The following SUPT3H variants were observed in gnomAD, a reference collection of about 807,000 sequenced individuals.
The protein encoded by SUPT3H is transcription initiation protein SPT3 homolog.
A neutral mutation model predicts 44.3 loss-of-function variants in SUPT3H; 44 were observed. That is an observed-to-expected ratio of 0.99 (90% CI 0.78 to 1.28). The LOEUF (loss-of-function observed/expected upper bound fraction) is 1.28, where lower values mean the gene tolerates loss of function less well. Among genes scored for constraint, SUPT3H ranks in the 50% most tolerant of loss-of-function variants. The probability of loss-of-function intolerance (pLI) is 0.00; values close to 1 mark genes in which losing one functional copy is unlikely to be tolerated. For synonymous variants in SUPT3H, 124 were observed against 125.6 expected (o/e 0.99, Z 0.09); for missense variants, 380 against 387.1 (o/e 0.98, Z 0.15).
At position 45,128,450 on chromosome 6, in the gene SUPT3H, A is replaced by G. The variant is rs1345003531; in HGVS notation, c.102-22444T>C. Among the ~76,000 whole-genome samples the G allele has an allele frequency of 3.8e-5, 5 of 132,506 alleles. No homozygotes were observed. In the South Asian group the frequency reaches 1.1e-3, roughly 30 times the overall value. The allele number at this position is 132,506 out of a possible 152,430, so 86.9% of individuals were successfully genotyped here. ...AACCCAGGAGGTGCAGGTTGCAGTG[A>G]GCCGAGATTGCACCACTGCGCTCCA... On this transcript the variant is annotated intron_variant, in intron 2 of 10. Transcript: ENST00000371459.
intron 3 of SUPT3H, among the ~76,000 whole-genome samples, chr6:45,037,939 C>A (rs887948854): frequency 3.3e-5 from 5 of 151,958 alleles, no homozygotes; most frequent in African/African-American, 1.2e-4. Context: ...TACAGTTATA[C>A]AATTAATGCT....
intron 2 of SUPT3H, among the ~76,000 whole-genome samples, chr6:45,285,405 CA>C (rs1205513168): frequency 2.0e-5 from 3 of 152,200 alleles, no homozygotes; most frequent in Non-Finnish European, 2.9e-5. Flanking sequence ...TCTCAGGATA[CA>C]AAATCAATGT....
At chr6:44,971,665 T>C (rs1250711686) in intron 6 of SUPT3H, among the ~76,000 whole-genome samples, 3 of 152,282 alleles carry the variant, frequency 2.0e-5, no homozygotes, top group South Asian at 2.1e-4. Flanking sequence ...GAGATTTGAG[T>C]GGGGACACAG....
rs1768205624 is a variant in SUPT3H at position 44,829,322 on chromosome 6, G to C, written c.*494C>G. On this transcript the variant is annotated 3_prime_UTR_variant, in exon 11 of 11. Coordinates refer to ENST00000371459, the MANE Select transcript of SUPT3H (RefSeq NM_003599.4). ...TCTGTTAGATCTTTGATTACTGTAA[G>C]TTTATAAAATGGATAGCTGTCACTA... 1 of 152,812 alleles carries C rather than the reference G, an allele frequency of 6.5e-6. No individual in the cohort carries two copies. Among genetic ancestry groups the C allele is most frequent in the Non-Finnish European group, 1.5e-5 (1 of 68,558 alleles). The allele number at this position is 152,812 out of a possible 1,614,324, so 9.5% of individuals were successfully genotyped here.
rs142365159 is a variant in SUPT3H, at chr6:45,215,470, A to G, written c.102-109464T>C. The stretch of plus-strand genomic sequence containing the variant: ...TCAAGAAAACAGTATGTGATCTACA[A>G]GAAAAATTATATGAAGTGATAAATA... On this transcript the variant is annotated intron_variant, in intron 2 of 10. Coordinates refer to ENST00000371459, the MANE Select transcript of SUPT3H (RefSeq NM_003599.4). Among the ~76,000 whole-genome samples, 22 of 152,310 alleles carry G rather than the reference A, an allele frequency of 1.4e-4. No individual in the cohort carries two copies. In the East Asian group the frequency reaches 4.2e-3, roughly 29 times the overall value.
intron 2 of SUPT3H, chr6:45,328,275 T>C: frequency 1.5e-6 from 2 of 1,360,548 alleles, no homozygotes; most frequent in Non-Finnish European, 2.0e-6. Context: ...GTAATAGTGC[T>C]TGCAAAAAAA....
intron 6 of SUPT3H, among the ~76,000 whole-genome samples, chr6:44,969,213 T>C (rs992314486): frequency 6.6e-6 from 1 of 152,216 alleles, no homozygotes; most frequent in African/African-American, 2.4e-5. Context: ...GTATTATTAA[T>C]GGAAAAATCA....
At chr6:45,268,299 A>G (rs1775575479) in intron 2 of SUPT3H, among the ~76,000 whole-genome samples, 1 of 152,188 alleles carries the variant, frequency 6.6e-6, no homozygotes, top group South Asian at 2.1e-4. Context: ...TTAATGGCAA[A>G]TCCTCCAAAA....
At position 45,063,005 on chromosome 6, in the gene SUPT3H, G is replaced by A; in HGVS notation, c.187-42373C>T. ...GCCTCTGTAGGCTCCACCTCTGGGG[G>A]CAGGGCACAGACAAACAAAAAGACA... On this transcript the variant is annotated intron_variant, in intron 3 of 10. Coordinates refer to ENST00000371459, the MANE Select transcript of SUPT3H (RefSeq NM_003599.4). 1.3e-5 allele frequency among the ~76,000 whole-genome samples: 2 copies of A among 151,404 alleles called. 1 individual carries two copies. Among genetic ancestry groups the A allele is most frequent in the African/African-American group, 4.9e-5 (2 of 40,938 alleles).
chr6:45,109,586 A>G (rs557840840), intron 2 of SUPT3H, among the ~76,000 whole-genome samples: 107 of 152,300 alleles, frequency 7.0e-4, no homozygotes, highest in African/African-American at 2.5e-3. Flanking sequence ...GTATCATTTG[A>G]TGAGTATATT....
intron 8 of SUPT3H, among the ~76,000 whole-genome samples, chr6:44,953,964 C>T (rs1373632576): frequency 2.6e-5 from 4 of 152,082 alleles, no homozygotes; most frequent in African/African-American, 9.7e-5. Context: ...TCTTGAACTC[C>T]TGACTGCAGG....
At chr6:45,142,650 C>A (rs935249117) in intron 2 of SUPT3H, among the ~76,000 whole-genome samples, 2 of 138,410 alleles carry the variant, frequency 1.4e-5, no homozygotes, top group Non-Finnish European at 3.0e-5. Flanking sequence ...GCAGGAGAAT[C>A]GCTTGATCCT....
intron 10 of SUPT3H, among the ~76,000 whole-genome samples, chr6:44,864,291 G>C (rs1474707156): frequency 6.6e-6 from 1 of 152,168 alleles, no homozygotes; most frequent in Admixed American, 6.5e-5. Context: ...GGTAGAAACT[G>C]GCTAAAACAA....
At chr6:44,818,255 T>A (rs1160765802) in intron 11 of SUPT3H, among the ~76,000 whole-genome samples, 1 of 148,372 alleles carries the variant, frequency 6.7e-6, no homozygotes, top group Admixed American at 6.7e-5. Context: ...CACATCCATA[T>A]GCAAAAAAAA....
intron 6 of SUPT3H, among the ~76,000 whole-genome samples, chr6:45,002,354 T>C (rs111881937): frequency 2.0e-5 from 3 of 152,016 alleles, no homozygotes. Context: ...AGGTAACAGG[T>C]TTGGCTAGCC....
chr6:45,113,851 A>AAAAAAAAAACAT (rs1800447324), intron 2 of SUPT3H, among the ~76,000 whole-genome samples: 1 of 149,086 alleles, frequency 6.7e-6, no homozygotes, highest in African/African-American at 2.5e-5. Flanking sequence ...AAAAAAATCA[A>AAAAAAAAAACAT]ATAAACATCT....
intron 3 of SUPT3H, among the ~76,000 whole-genome samples, chr6:45,025,534 G>T (rs1446522335): frequency 6.6e-6 from 1 of 152,064 alleles, no homozygotes; most frequent in African/African-American, 2.4e-5. Context: ...CATTTGGCTG[G>T]GGCCCACATA....
At chr6:44,909,058 T>A (rs1766573625) in intron 10 of SUPT3H, among the ~76,000 whole-genome samples, 1 of 152,076 alleles carries the variant, frequency 6.6e-6, no homozygotes, top group Admixed American at 6.6e-5. Context: ...GCTATAAAAA[T>A]ATATCTTTAA....
chr6:44,985,458 G>A (rs1779669958), intron 6 of SUPT3H, among the ~76,000 whole-genome samples: 1 of 151,992 alleles, frequency 6.6e-6, no homozygotes, highest in Admixed American at 6.6e-5. Flanking sequence ...TATCCTAAAA[G>A]TCTGTTTAGG....
Sources: gnomAD v4.1 joint callset for allele counts (sites outside exome capture counted in the v4.1 genomes callset) on GRCh38, gnomAD v4.1.1 for gene constraint, MANE v1.5 for transcripts, NCBI Gene and HGNC (gene_info 2026-07-23, HGNC 2026-07-21) for gene names.